DPYD: variants seen among roughly 807,000 people sequenced by gnomAD.
The protein encoded by DPYD is dihydropyrimidine dehydrogenase [NADP(+)].
DPYD carries 109 observed loss-of-function variants against 116.2 expected under a neutral mutation model. The observed-to-expected ratio is 0.94, with a 90% CI of 0.80 to 1.10. The LOEUF is 1.10. Among genes scored for constraint, DPYD ranks in the 50% least tolerant of loss-of-function variants. The pLI is 0.00. For missense variants in DPYD, 1,302 were observed against 1,254.5 expected, an observed-to-expected ratio of 1.04 and a Z score of -0.57; for synonymous variants, 440 against 432.0, an observed-to-expected ratio of 1.02 and a Z score of -0.23.
chr1:97,402,914 C>A (rs180720035), intron 14 of DPYD, among the ~76,000 whole-genome samples: 1 of 145,130 alleles, frequency 6.9e-6, no homozygotes, highest in African/African-American at 2.5e-5. Flanking sequence ...AATTACATTA[C>A]CTGATTTTTT....
At chr1:97,600,451 T>C (rs1655179552) in intron 8 of DPYD, among the ~76,000 whole-genome samples, 1 of 152,222 alleles carries the variant, frequency 6.6e-6, no homozygotes, top group African/African-American at 2.4e-5. Context: ...TTTGTCTTTA[T>C]TTTTGTTTAT....
At chr1:97,588,054 T>C (rs563560728) in intron 10 of DPYD, among the ~76,000 whole-genome samples, 1 of 152,232 alleles carries the variant, frequency 6.6e-6, no homozygotes, top group South Asian at 2.1e-4. Flanking sequence ...AAAGTTGTAG[T>C]ACCAGATGAA....
intron 8 of DPYD, among the ~76,000 whole-genome samples, chr1:97,664,799 C>T (rs1371819611): frequency 5.3e-5 from 8 of 152,082 alleles, no homozygotes; most frequent in Non-Finnish European, 1.5e-5. Context: ...TACTCTGCCA[C>T]CTCAAGCTTC....
At chr1:97,560,137 A>G (rs972097568) in intron 11 of DPYD, among the ~76,000 whole-genome samples, 1 of 152,162 alleles carries the variant, frequency 6.6e-6, no homozygotes, top group Admixed American at 6.6e-5. Flanking sequence ...AATAAATCAC[A>G]AGGCTGGGTA....
chr1:97,638,356 A>T (rs78508369), intron 8 of DPYD, among the ~76,000 whole-genome samples: 2 of 152,120 alleles, frequency 1.3e-5, no homozygotes, highest in Non-Finnish European at 2.9e-5. Flanking sequence ...CTGACAGAAT[A>T]AGACACAGAT....
chr1:97,597,217 T>C (rs1368924023), intron 8 of DPYD, among the ~76,000 whole-genome samples: 1 of 152,166 alleles, frequency 6.6e-6, no homozygotes, highest in Non-Finnish European at 1.5e-5. Context: ...ATAATTAGCT[T>C]TTCTTTCCAG....
chr1:97,687,257 C>T (rs938335411), intron 7 of DPYD, among the ~76,000 whole-genome samples: 4 of 152,032 alleles, frequency 2.6e-5, no homozygotes, highest in African/African-American at 9.7e-5. Context: ...GGTAACAGAG[C>T]TAGACTCCAT....
At chr1:97,295,249 A>G (rs1298687080) in intron 18 of DPYD, among the ~76,000 whole-genome samples, 2 of 152,144 alleles carry the variant, frequency 1.3e-5, no homozygotes, top group East Asian at 1.9e-4. Flanking sequence ...CTGGGCACAT[A>G]AAGATTGTAT....
intron 3 of DPYD, among the ~76,000 whole-genome samples, chr1:97,765,349 C>G (rs1665789936): frequency 6.6e-6 from 1 of 152,064 alleles, no homozygotes; most frequent in Non-Finnish European, 1.5e-5. Context: ...TGGTCTAAGG[C>G]TATATAGAGA....
At chr1:97,653,822 A>G (rs1175093733) in intron 8 of DPYD, among the ~76,000 whole-genome samples, 1 of 152,184 alleles carries the variant, frequency 6.6e-6, no homozygotes, top group Non-Finnish European at 1.5e-5. Flanking sequence ...TTCCAGACAC[A>G]CATACATAAA....
chr1:97,374,989 A>G (rs1233151247), intron 15 of DPYD, among the ~76,000 whole-genome samples: 3 of 145,356 alleles, frequency 2.1e-5, no homozygotes, highest in Non-Finnish European at 4.5e-5. Context: ...AGACCATGCC[A>G]CTGCACTCCA....
chr1:97,192,752 T>A (rs1658462600), intron 20 of DPYD, among the ~76,000 whole-genome samples: 1 of 152,174 alleles, frequency 6.6e-6, no homozygotes. Flanking sequence ...CCAGAAAGCA[T>A]AAAGAAATCT....
chr1:97,885,601 A>G (rs898107522), intron 1 of DPYD, among the ~76,000 whole-genome samples: 18 of 152,120 alleles, frequency 1.2e-4, no homozygotes, highest in Non-Finnish European at 2.4e-4. Flanking sequence ...TTAAGTTTTT[A>G]GAGTTTAAAA....
intron 20 of DPYD, among the ~76,000 whole-genome samples, chr1:97,147,031 C>A (rs747434545): frequency 3.3e-5 from 5 of 152,054 alleles, no homozygotes; most frequent in African/African-American, 4.8e-5. Context: ...AGATAATTTA[C>A]ATGGAAGGAA....
chr1:97,906,456 C>G (rs1453406276), intron 1 of DPYD, among the ~76,000 whole-genome samples: 1 of 152,018 alleles, frequency 6.6e-6, no homozygotes, highest in African/African-American at 2.4e-5. Flanking sequence ...AGAGGAGATG[C>G]ATTTATCTTT....
intron 11 of DPYD, among the ~76,000 whole-genome samples, chr1:97,572,746 C>T (rs1341190051): frequency 6.6e-6 from 1 of 151,928 alleles, no homozygotes; most frequent in Non-Finnish European, 1.5e-5. Context: ...ACATTTATCT[C>T]GATGACATTA....
At chr1:97,795,008 T>A (rs773655480) in intron 3 of DPYD, among the ~76,000 whole-genome samples, 1 of 152,098 alleles carries the variant, frequency 6.6e-6, no homozygotes, top group Non-Finnish European at 1.5e-5. Flanking sequence ...GTAGATCACA[T>A]TAGATTTTCT....
chr1:97,573,663 A>C, intron 11 of DPYD, 97 bp downstream of exon 11: 2 of 1,497,438 alleles, frequency 1.3e-6, no homozygotes, highest in Non-Finnish European at 1.8e-6. Context: ...AGGAAAATAA[A>C]TTTTAAAGTG....
chr1:97,527,076 T>C (rs192289767), intron 12 of DPYD, among the ~76,000 whole-genome samples: 10 of 149,050 alleles, frequency 6.7e-5, no homozygotes, highest in East Asian at 2.0e-4. Context: ...CCCCCAACCT[T>C]TTTTTTTTTT....
Sources: gnomAD v4.1 joint callset for allele counts (sites outside exome capture counted in the v4.1 genomes callset) on GRCh38, gnomAD v4.1.1 for gene constraint, MANE v1.5 for transcripts, NCBI Gene and HGNC (gene_info 2026-07-23, HGNC 2026-07-21) for gene names.